Variants in SUN1 observed in about 807,000 individuals in gnomAD.
SUN1 encodes Sad1 and UNC84 domain containing 1.
In SUN1, 61 loss-of-function variants were observed where a neutral mutation model predicts 103.2. The observed-to-expected ratio is 0.59, with a 90% confidence interval of 0.48 to 0.73. The LOEUF (loss-of-function observed/expected upper bound fraction) is 0.73. Ranked by LOEUF, SUN1 falls within the 30% of genes least tolerant of loss-of-function variation. SUN1 has a pLI of 0.00. For synonymous variants in SUN1, 490 were observed against 425.7 expected (o/e 1.15, Z -1.86); for missense variants, 1,052 against 1,034.6 (o/e 1.02, Z -0.23).
intron 5 of SUN1, chr7:849,614 C>T: frequency 6.7e-7 from 1 of 1,490,432 alleles, no homozygotes; most frequent in Non-Finnish European, 9.1e-7. Context: ...GTAAGTATGG[C>T]TTCGTTTTCC....
At chr7:867,389 G>T (rs993311466) in intron 16 of SUN1, among the ~76,000 whole-genome samples, 4 of 152,254 alleles carry the variant, frequency 2.6e-5, no homozygotes, top group Admixed American at 6.5e-5. Context: ...TCTGCACAGG[G>T]TTGCCACAGT....
upstream of SUN1, among the ~76,000 whole-genome samples, chr7:830,710 C>T (rs1797120048): frequency 6.6e-6 from 1 of 152,222 alleles, no homozygotes; most frequent in Non-Finnish European, 1.5e-5. Flanking sequence ...AGCCCAACAT[C>T]TGAGCAGGAG....
At chr7:819,107 C>G (rs1422876469) in intron 1 of SUN1, among the ~76,000 whole-genome samples, 1 of 152,144 alleles carries the variant, frequency 6.6e-6, no homozygotes, top group South Asian at 2.1e-4. Flanking sequence ...AGGTGATCTG[C>G]CCGCCTCGCC....
chr7:846,356 C>T (rs886312412), intron 5 of SUN1, among the ~76,000 whole-genome samples: 1 of 152,188 alleles, frequency 6.6e-6, no homozygotes, highest in Non-Finnish European at 1.5e-5. Flanking sequence ...ATCCGCCCAC[C>T]TTGGCCTCCC....
At chr7:856,247 T>C (rs1827170812) in intron 11 of SUN1, 111 bp from the exon 12 acceptor site, 6 of 1,128,384 alleles carry the variant, frequency 5.3e-6, no homozygotes, top group Non-Finnish European at 7.8e-6. Context: ...ATCTGGACTT[T>C]GAATTAAAGG....
At chr7:862,609 AG>A (rs1206847133) in intron 15 of SUN1, among the ~76,000 whole-genome samples, 1 of 152,236 alleles carries the variant, frequency 6.6e-6, no homozygotes, top group Non-Finnish European at 1.5e-5. Context: ...TTCCATTAAG[AG>A]GCATCAATTG....
intron 1 of SUN1, among the ~76,000 whole-genome samples, chr7:826,101 C>T (rs977063812): frequency 4.6e-5 from 7 of 152,040 alleles, no homozygotes; most frequent in Admixed American, 1.3e-4. Flanking sequence ...AACCAGGTGC[C>T]GTGACGCGCC....
At position 874,291 on chromosome 7, in the gene SUN1, C is replaced by T. The variant is rs1843274456; in HGVS notation, c.*960C>T. 6.6e-6 allele frequency: 1 copy of T among 152,620 alleles called. No homozygotes were observed. The highest frequency in any genetic ancestry group is 1.5e-5 in the Non-Finnish European group (1 of 68,046). The allele number at this position is 152,620 out of a possible 1,614,324, so 9.5% of individuals were successfully genotyped here. The stretch of plus-strand genomic sequence containing the variant: ...TCTTACTGGCTGTGGCTGGAATCTG[C>T]CTTTTATCACAGCTGTCACCATTCT... On this transcript the variant is annotated 3_prime_UTR_variant, in exon 19 of 19. Transcript: ENST00000401592.
chr7:844,938 G>T (rs560241670), intron 5 of SUN1, among the ~76,000 whole-genome samples: 1 of 152,200 alleles, frequency 6.6e-6, no homozygotes, highest in Non-Finnish European at 1.5e-5. Context: ...GAGCCGTGGC[G>T]TAGCTTAATC....
At chr7:827,670 CATTCA>C, upstream of SUN1, among the ~76,000 whole-genome samples, 1 of 151,746 alleles carries the variant, frequency 6.6e-6, no homozygotes, top group Non-Finnish European at 1.5e-5. Context: ...GGGGTTTCAC[CATTCA>C]CAGGATGGTC....
chr7:823,049 G>A lies in SUN1; in HGVS notation c.-74+6376G>A, dbSNP rs531686134. On this transcript the variant is annotated intron_variant, in intron 1 of 17. Coordinates refer to the SUN1 transcript ENST00000389574. ...ATGAATTCCTGTACAGGATTTTTCCGGAGCGTAGTCAGGTAAGGAGTAGAG... is the reference window on the plus strand; with the variant it reads ...ATGAATTCCTGTACAGGATTTTTCCAGAGCGTAGTCAGGTAAGGAGTAGAG... 5.9e-5 allele frequency among the ~76,000 whole-genome samples: 9 copies of A among 152,364 alleles called. No homozygotes were observed. In the South Asian group the frequency reaches 1.7e-3, roughly 28 times the overall value.
chr7:849,629 G>T, intron 5 of SUN1: 1 of 1,516,856 alleles, frequency 6.6e-7, no homozygotes, highest in Non-Finnish European at 8.9e-7. Context: ...TTTTCCTGTG[G>T]GCGTCGGTCG....
intron 1 of SUN1, among the ~76,000 whole-genome samples, chr7:825,685 C>T (rs1213967690): frequency 6.6e-6 from 1 of 152,182 alleles, no homozygotes; most frequent in Non-Finnish European, 1.5e-5. Context: ...TTTTCTTCCT[C>T]TAAATGAAAT....
At chr7:819,975 C>A (rs1784489548) in intron 1 of SUN1, among the ~76,000 whole-genome samples, 1 of 152,124 alleles carries the variant, frequency 6.6e-6, no homozygotes, top group Non-Finnish European at 1.5e-5. Context: ...CAGTGCCATA[C>A]TATTTTGTAG....
intron 1 of SUN1, among the ~76,000 whole-genome samples, chr7:836,483 A>C (rs1803336615): frequency 6.6e-6 from 1 of 152,228 alleles, no homozygotes; most frequent in Non-Finnish European, 1.5e-5. Flanking sequence ...GGCCAAGTCC[A>C]GAGGCCCAAG....
intron 10 of SUN1, among the ~76,000 whole-genome samples, chr7:854,066 G>A (rs1027553035): frequency 6.6e-6 from 1 of 152,202 alleles, no homozygotes; most frequent in East Asian, 1.9e-4. Context: ...GGGATCGCGT[G>A]GGGGGACCCA....
intron 15 of SUN1, among the ~76,000 whole-genome samples, chr7:865,736 C>G (rs10239377): frequency 2.0e-5 from 3 of 152,212 alleles, no homozygotes; most frequent in Non-Finnish European, 4.4e-5. Flanking sequence ...TCTCCACATC[C>G]TCGCCAGCAT....
chr7:843,700 T>A, intron 5 of SUN1, 180 bp downstream of exon 5: 1 of 1,443,166 alleles, frequency 6.9e-7, no homozygotes. Context: ...TTACATTTTA[T>A]GTGGTTAGTA....
At chr7:866,562 A>T (rs7785695) in intron 16 of SUN1, among the ~76,000 whole-genome samples, 1 of 56,116 alleles carries the variant, frequency 1.8e-5, no homozygotes, top group Non-Finnish European at 3.6e-5. Flanking sequence ...ATCTCCCCGT[A>T]CCTTCGCCCC....
Sources: gnomAD v4.1 joint callset for allele counts (sites outside exome capture counted in the v4.1 genomes callset) on GRCh38, gnomAD v4.1.1 for gene constraint, MANE v1.5 for transcripts, NCBI Gene and HGNC (gene_info 2026-07-23, HGNC 2026-07-21) for gene names.